TMEM39A: variants seen among roughly 807,000 people sequenced by gnomAD.
The protein encoded by TMEM39A is suppressor of SQST-1 aggregates in rpl-43 mutants.
TMEM39A carries 19 observed loss-of-function variants against 51.9 expected under a neutral mutation model. That is an observed-to-expected ratio of 0.37 (90% CI 0.26 to 0.54). The LOEUF (loss-of-function observed/expected upper bound fraction) is 0.54. TMEM39A is among the 20% of genes least tolerant of loss of function. The pLI is 0.88. For synonymous variants in TMEM39A, 197 were observed against 220.2 expected (o/e 0.89, Z 0.93); for missense variants, 433 against 590.5 (o/e 0.73, Z 2.76).
chr3:119,462,646 G>C (rs1577069698), intron 1 of TMEM39A, among the ~76,000 whole-genome samples: 2 of 70,276 alleles, frequency 2.8e-5, no homozygotes, highest in African/African-American at 4.9e-5. Flanking sequence ...GGGGGGGGCG[G>C]GGGGGGGGAG....
At chr3:119,452,554 A>T (rs1247424144) in intron 3 of TMEM39A, 24 bp from the exon 4 acceptor site, 8 of 1,582,844 alleles carry the variant, frequency 5.1e-6, no homozygotes, top group Non-Finnish European at 6.9e-6. Flanking sequence ...AAATAACTAC[A>T]TCAGAAAGAA....
At chr3:119,462,248 T>C in intron 1 of TMEM39A, 100 bp from the exon 2 acceptor site, 2 of 566,440 alleles carry the variant, frequency 3.5e-6, no homozygotes, top group East Asian at 3.0e-5. Flanking sequence ...CAAAATAAGA[T>C]TTTCAAACGA....
rs767982905 is a variant in TMEM39A, at chr3:119,432,068, A to G, written c.1380T>C (p.Tyr460=). The change falls in exon 9 of 9, where the codon TAT becomes TAC. Residue 460 remains tyrosine, a synonymous_variant. Transcript: ENST00000319172. The part of the protein sequence containing the change: ...SMALILFCNY[Y]VLFKLLRDRI... ...TGTCCCGGAGAAGTTTAAATAAAAC[A>G]TAGTAGTTGCAGAAGAGGATGAGAG... 6.2e-7 allele frequency: 1 copy of G among 1,613,244 alleles called. No individual in the cohort carries two copies. The highest frequency in any genetic ancestry group is 8.5e-7 in the Non-Finnish European group (1 of 1,179,468).
At chr3:119,444,136 C>A (rs948688584) in intron 5 of TMEM39A, among the ~76,000 whole-genome samples, 1 of 71,320 alleles carries the variant, frequency 1.4e-5, no homozygotes, top group Admixed American at 1.4e-4. Flanking sequence ...GTGTGGAGAG[C>A]CTCTAAGAGT....
intron 8 of TMEM39A, among the ~76,000 whole-genome samples, chr3:119,432,446 C>A (rs1029236476): frequency 6.6e-6 from 1 of 151,768 alleles, no homozygotes; most frequent in South Asian, 2.1e-4. Flanking sequence ...CCCTGAGACA[C>A]GAAAAGAGAT....
At position 119,458,189 on chromosome 3, in the gene TMEM39A, G is replaced by A. The variant is rs757857542; in HGVS notation, c.165C>T (p.Thr55=). The change falls in exon 3 of 9, where the codon ACC becomes ACT. Residue 55 remains threonine (T), a synonymous_variant. Coordinates refer to ENST00000319172, the MANE Select transcript of TMEM39A (RefSeq NM_018266.3). ...LPVPPITALI[T]PGPVRHCQIP... ...TTTGGCAATGACGAACAGGACCTGG[G>A]GTGATTAAGGCTGTGATAGGTGGGA... is the stretch of plus-strand genomic sequence containing the variant. The A allele has an allele frequency of 3.4e-5, 55 of 1,614,032 alleles. No individual in the cohort carries two copies. Among genetic ancestry groups the A allele is most frequent in the Admixed American group, 3.2e-4 (19 of 60,010 alleles).
chr3:119,459,785 G>A (rs1467631597), intron 2 of TMEM39A, among the ~76,000 whole-genome samples: 1 of 152,058 alleles, frequency 6.6e-6, no homozygotes, highest in Non-Finnish European at 1.5e-5. Flanking sequence ...CTCTCCAGCT[G>A]ACCTATGTCT....
At chr3:119,438,637 C>A in intron 5 of TMEM39A, among the ~76,000 whole-genome samples, 1 of 152,110 alleles carries the variant, frequency 6.6e-6, no homozygotes, top group Non-Finnish European at 1.5e-5. Flanking sequence ...TTACCCATTT[C>A]TCTCTTGTTG....
chr3:119,447,086 T>C lies in TMEM39A; in HGVS notation c.507A>G (p.Val169=). The change falls in exon 5 of 9, where the codon GTA becomes GTG. Residue 169 remains valine, a synonymous_variant. Transcript: ENST00000319172. ...AGAGATTGACGAGGGTCCAACAAAG[T>C]ACCCATCCACACAAAGTGAGTAGTA... is the stretch of plus-strand genomic sequence containing the variant. ...RLVLLTLCGW[V]LCWTLVNLFR... 13 of 1,614,136 alleles carry C rather than the reference T, an allele frequency of 8.1e-6. No individual in the cohort carries two copies. Among genetic ancestry groups the C allele is most frequent in the Non-Finnish European group, 1.1e-5 (13 of 1,179,990 alleles).
rs375464801 is a variant in TMEM39A, at chr3:119,445,390, G to A, written c.575+1628C>T. On this transcript the variant is annotated intron_variant, in intron 5 of 8. Transcript: ENST00000319172. ...AGTGATTCTTCTGCCTCAGCCTCCC[G>A]AGTAACTGGGATTACAGACACGTGC... Among the ~76,000 whole-genome samples, 69 of 152,032 alleles carry A rather than the reference G, an allele frequency of 4.5e-4. 1 individual carries two copies. The East Asian group carries it at 6.4e-3, about 14-fold the overall frequency.
At chr3:119,449,691 A>G (rs999592740) in intron 4 of TMEM39A, among the ~76,000 whole-genome samples, 174 of 151,598 alleles carry the variant, frequency 1.1e-3, no homozygotes, top group African/African-American at 4.0e-3. Context: ...GTCCTGCTTT[A>G]TATTTTAGTG....
At chr3:119,443,578 T>C (rs1484564184) in intron 5 of TMEM39A, among the ~76,000 whole-genome samples, 1 of 152,200 alleles carries the variant, frequency 6.6e-6, no homozygotes, top group African/African-American at 2.4e-5. Flanking sequence ...AATTAAGATA[T>C]GTACTTTTAA....
chr3:119,442,422 T>C (rs967312449), intron 5 of TMEM39A, among the ~76,000 whole-genome samples: 15 of 152,228 alleles, frequency 9.9e-5, no homozygotes, highest in African/African-American at 3.6e-4. Flanking sequence ...TTGTTGTTTT[T>C]ATGCCTGTTA....
At chr3:119,458,340 T>C (rs1458528011) in intron 2 of TMEM39A, 100 bp from the exon 3 acceptor site, 9 of 960,254 alleles carry the variant, frequency 9.4e-6, no homozygotes, top group Non-Finnish European at 1.4e-5. Context: ...CTTCACTGTC[T>C]GCTTTCCCCA....
chr3:119,461,486 T>C (rs189928013), intron 2 of TMEM39A, among the ~76,000 whole-genome samples: 73 of 152,328 alleles, frequency 4.8e-4, no homozygotes, highest in African/African-American at 1.6e-3. Context: ...TAGGTAAAAG[T>C]ATCTCTTTGA....
chr3:119,458,283 C>T, intron 2 of TMEM39A, 43 bp from the exon 3 acceptor site: 1 of 1,542,150 alleles, frequency 6.5e-7, no homozygotes, highest in South Asian at 1.1e-5. Flanking sequence ...TGATAACCTC[C>T]AGTATCACAG....
In TMEM39A at chr3:119,452,260, T is replaced by G. The variant is rs141964816; in HGVS notation, c.420+187A>C. On this transcript the variant is annotated intron_variant, in intron 4 of 8. Coordinates refer to ENST00000319172, the MANE Select transcript of TMEM39A (RefSeq NM_018266.3). ...ACCCTACGAATGAATTTTCTAACAGTTTTTGACACTTGAATTTTAAAAAAT... is the reference window on the plus strand; with the variant it reads ...ACCCTACGAATGAATTTTCTAACAGGTTTTGACACTTGAATTTTAAAAAAT... 6.6e-5 allele frequency among the ~76,000 whole-genome samples: 10 copies of G among 152,288 alleles called. No homozygotes were observed. The East Asian group carries it at 1.9e-3, about 29-fold the overall frequency.
chr3:119,457,336 A>C (rs1179795927), intron 3 of TMEM39A, among the ~76,000 whole-genome samples: 1 of 152,230 alleles, frequency 6.6e-6, no homozygotes, highest in African/African-American at 2.4e-5. Flanking sequence ...TATGTACTTC[A>C]GCAAAGACAG....
Position 119,429,843 on chromosome 3 carries a change from T to C in TMEM39A, c.*2138A>G, listed in dbSNP as rs1234871779. ...GCCAAGCCAGCATCTGGTTCTGTGC[T>C]ATTCCCTTAGGATAGGACCAAGACA... On this transcript the variant is annotated 3_prime_UTR_variant, in exon 9 of 9. Coordinates refer to ENST00000319172, the MANE Select transcript of TMEM39A (RefSeq NM_018266.3). The C allele has an allele frequency of 6.6e-6, 1 of 152,188 alleles. No homozygotes were observed. The highest frequency in any genetic ancestry group is 2.4e-5 in the African/African-American group (1 of 41,444). The allele number at this position is 152,188 out of a possible 1,614,324, so 9.4% of individuals were successfully genotyped here.
Sources: allele counts gnomAD v4.1 joint callset (sites outside exome capture counted in the v4.1 genomes callset), GRCh38; gene constraint gnomAD v4.1.1; transcripts MANE v1.5; gene names NCBI Gene and HGNC (gene_info 2026-07-23, HGNC 2026-07-21).